Variants in SLC2A13 observed in about 807,000 individuals in gnomAD.
SLC2A13 encodes the protein solute carrier family 2 member 13.
A neutral mutation model predicts 64.4 loss-of-function variants in SLC2A13; 32 were observed. The ratio of observed to expected loss-of-function variants is 0.50; its 90% CI spans 0.37 to 0.67. The LOEUF (loss-of-function observed/expected upper bound fraction) is 0.67, where lower values mean the gene tolerates loss of function less well. SLC2A13 is among the 30% of genes least tolerant of loss of function. The pLI, the probability that SLC2A13 is intolerant of heterozygous loss-of-function variation, is 0.00. For missense variants in SLC2A13, 743 were observed against 829.2 expected, an observed-to-expected ratio of 0.90 and a Z score of 1.28; for synonymous variants, 338 against 327.1, an observed-to-expected ratio of 1.03 and a Z score of -0.36.
intron 4 of SLC2A13, among the ~76,000 whole-genome samples, chr12:39,910,938 G>A (rs1945414925): frequency 6.6e-6 from 1 of 151,962 alleles, no homozygotes; most frequent in Non-Finnish European, 1.5e-5. Flanking sequence ...CCAAAAATTA[G>A]CCAGGTGTAG....
intron 4 of SLC2A13, chr12:39,907,495 C>T (rs2136032728): frequency 6.6e-6 from 1 of 152,208 alleles, no homozygotes; most frequent in African/African-American, 2.4e-5. Flanking sequence ...TCCTACAAAA[C>T]TCTATCAAAA....
intron 3 of SLC2A13, among the ~76,000 whole-genome samples, chr12:40,016,654 G>C (rs974945985): frequency 2.0e-5 from 3 of 152,146 alleles, no homozygotes; most frequent in African/African-American, 7.2e-5. Flanking sequence ...TAAGGGCCTA[G>C]TCTGAATTAT....
chr12:40,087,926 C>T (rs1938638594), intron 1 of SLC2A13, among the ~76,000 whole-genome samples: 1 of 152,038 alleles, frequency 6.6e-6, no homozygotes, highest in Non-Finnish European at 1.5e-5. Context: ...ATAATTTATA[C>T]TGATTGTAAG....
intron 4 of SLC2A13, among the ~76,000 whole-genome samples, chr12:39,917,927 C>T (rs1449254188): frequency 6.6e-6 from 1 of 152,000 alleles, no homozygotes; most frequent in African/African-American, 2.4e-5. Context: ...CTTCCCTAAT[C>T]TCAGCTTCCC....
chr12:39,869,522 A>G (rs1274795906), intron 5 of SLC2A13, among the ~76,000 whole-genome samples: 1 of 152,210 alleles, frequency 6.6e-6, no homozygotes, highest in Non-Finnish European at 1.5e-5. Flanking sequence ...GAATCACTGT[A>G]CAGTGTTTGT....
intron 6 of SLC2A13, among the ~76,000 whole-genome samples, chr12:39,838,269 C>T (rs1219667596): frequency 2.7e-5 from 4 of 147,778 alleles, no homozygotes; most frequent in African/African-American, 1.0e-4. Flanking sequence ...CATATTCTCA[C>T]TCGTAGGTGG....
intron 7 of SLC2A13, among the ~76,000 whole-genome samples, chr12:39,820,946 T>G (rs1942487966): frequency 6.6e-6 from 1 of 151,840 alleles, no homozygotes; most frequent in South Asian, 2.1e-4. Flanking sequence ...TAGCCCCTAC[T>G]TAAAAACCTT....
intron 6 of SLC2A13, among the ~76,000 whole-genome samples, chr12:39,859,397 T>A (rs1943697301): frequency 7.1e-6 from 1 of 140,832 alleles, no homozygotes; most frequent in East Asian, 2.3e-4. Context: ...TGTACTGGCA[T>A]CACCTGGGGA....
chr12:39,885,521 C>T (rs1944445869), intron 4 of SLC2A13, among the ~76,000 whole-genome samples: 1 of 152,064 alleles, frequency 6.6e-6, no homozygotes, highest in Non-Finnish European at 1.5e-5. Context: ...CTGTTCTAGA[C>T]ATCAAAACCA....
chr12:39,803,182 T>G (rs1471618374), intron 7 of SLC2A13, among the ~76,000 whole-genome samples: 8 of 139,476 alleles, frequency 5.7e-5, no homozygotes, highest in South Asian at 2.3e-4. Flanking sequence ...GATAGCCCTG[T>G]GGCATCTAAA....
intron 4 of SLC2A13, among the ~76,000 whole-genome samples, chr12:39,892,685 CAATT>C (rs750909674): frequency 2.0e-5 from 3 of 152,010 alleles, no homozygotes; most frequent in Admixed American, 6.6e-5. Flanking sequence ...GTAGCCTGGA[CAATT>C]AATACAGTAC....
At chr12:39,822,835 C>G in intron 7 of SLC2A13, among the ~76,000 whole-genome samples, 1 of 152,174 alleles carries the variant, frequency 6.6e-6, no homozygotes, top group East Asian at 1.9e-4. Context: ...ATGAATATCG[C>G]TACTTGGATA....
Position 40,089,676 on chromosome 12 carries a change from C to T in SLC2A13, c.556+15577G>A, listed in dbSNP as rs187381430. ...AGTGTTCTCTGTAAGGAGTCTGTCT[C>T]ACTGTTGGTCAGCTCTAAGAGTGGA... is the stretch of plus-strand genomic sequence containing the variant. On this transcript the variant is annotated intron_variant, in intron 1 of 9. Transcript: ENST00000280871. 5.7e-4 allele frequency among the ~76,000 whole-genome samples: 87 copies of T among 152,238 alleles called. 1 individual carries two copies. In the East Asian group the frequency reaches 0.013, roughly 22 times the overall value.
intron 6 of SLC2A13, among the ~76,000 whole-genome samples, chr12:39,859,495 C>T (rs1943701372): frequency 6.6e-6 from 1 of 151,958 alleles, no homozygotes; most frequent in South Asian, 2.1e-4. Context: ...GCAGATGACC[C>T]TGGTTAAGAC....
intron 1 of SLC2A13, among the ~76,000 whole-genome samples, chr12:40,094,382 G>T (rs1938868645): frequency 6.6e-6 from 1 of 152,170 alleles, no homozygotes. Context: ...GAGCTCTGAG[G>T]CTGGCCCAAA....
intron 3 of SLC2A13, among the ~76,000 whole-genome samples, chr12:39,970,619 T>C (rs573189779): frequency 2.6e-5 from 4 of 152,356 alleles, no homozygotes; most frequent in African/African-American, 9.6e-5. Flanking sequence ...TAGGTAATTC[T>C]ACCATGGCCT....
chr12:39,856,971 C>T (rs1272388863), intron 6 of SLC2A13, among the ~76,000 whole-genome samples: 4 of 152,160 alleles, frequency 2.6e-5, no homozygotes, highest in Admixed American at 1.3e-4. Flanking sequence ...CAATTGCTGT[C>T]ACAGTCCTGG....
intron 3 of SLC2A13, among the ~76,000 whole-genome samples, chr12:40,009,409 A>G (rs189070708): frequency 3.3e-5 from 5 of 152,248 alleles, no homozygotes; most frequent in Admixed American, 3.3e-4. Flanking sequence ...TAGGAAATAG[A>G]ACATTAAGGT....
At chr12:39,779,982 C>T (rs1940921755) in intron 7 of SLC2A13, among the ~76,000 whole-genome samples, 1 of 152,144 alleles carries the variant, frequency 6.6e-6, no homozygotes, top group African/African-American at 2.4e-5. Context: ...CTTTTCAATC[C>T]ATTTTATAGC....
Sources: gnomAD v4.1 joint callset for allele counts (sites outside exome capture counted in the v4.1 genomes callset) on GRCh38, gnomAD v4.1.1 for gene constraint, MANE v1.5 for transcripts, NCBI Gene and HGNC (gene_info 2026-07-23, HGNC 2026-07-21) for gene names.